Variants in ZBTB7C observed in about 807,000 individuals in gnomAD.
ZBTB7C encodes the protein zinc finger and BTB domain containing 7C.
ZBTB7C carries 8 observed loss-of-function variants against 25.7 expected under a neutral mutation model. That is an observed-to-expected ratio of 0.31 (90% CI 0.18 to 0.56). The LOEUF (loss-of-function observed/expected upper bound fraction) is 0.56, where lower values mean the gene tolerates loss of function less well. Among genes scored for constraint, ZBTB7C ranks in the 20% least tolerant of loss-of-function variants. ZBTB7C has a pLI of 0.91. For synonymous variants in ZBTB7C, 394 were observed against 369.0 expected, an observed-to-expected ratio of 1.07 and a Z score of -0.78; for missense variants, 824 against 855.2, an observed-to-expected ratio of 0.96 and a Z score of 0.46.
intron 1 of ZBTB7C, among the ~76,000 whole-genome samples, chr18:48,389,461 A>ATTTT (rs138527928): frequency 0.042 from 4,060 of 97,488 alleles, 208 homozygotes; most frequent in Non-Finnish European, 0.059. Context: ...TGACTCTTGG[A>ATTTT]TTTTTTTTTT....
chr18:48,192,862 C>T (rs898716967), intron 2 of ZBTB7C, among the ~76,000 whole-genome samples: 9 of 152,082 alleles, frequency 5.9e-5, no homozygotes, highest in East Asian at 1.9e-4. Flanking sequence ...AGAAACAAGG[C>T]GAGGGAGGGT....
chr18:48,055,536 G>C (rs1036794820), intron 3 of ZBTB7C, among the ~76,000 whole-genome samples: 2 of 151,986 alleles, frequency 1.3e-5, no homozygotes, highest in African/African-American at 4.8e-5. Flanking sequence ...GGGCATCGTG[G>C]AAAGCTGTGC....
At chr18:48,156,920 G>A (rs943707978) in intron 3 of ZBTB7C, among the ~76,000 whole-genome samples, 6 of 152,180 alleles carry the variant, frequency 3.9e-5, no homozygotes, top group Admixed American at 3.3e-4. Flanking sequence ...CTCTCTGGCT[G>A]CAGTTTGAAA....
At chr18:48,169,356 C>T (rs1447505414) in intron 3 of ZBTB7C, among the ~76,000 whole-genome samples, 1 of 152,146 alleles carries the variant, frequency 6.6e-6, no homozygotes, top group Non-Finnish European at 1.5e-5. Context: ...TTTCAGCTCC[C>T]CAAACTAGAT....
chr18:48,288,881 C>A (rs1182603831), intron 2 of ZBTB7C, among the ~76,000 whole-genome samples: 1 of 152,124 alleles, frequency 6.6e-6, no homozygotes. Context: ...TTTGTTACAG[C>A]AGCCTGAATA....
At chr18:48,127,640 G>A (rs566222264) in intron 3 of ZBTB7C, among the ~76,000 whole-genome samples, 8 of 152,192 alleles carry the variant, frequency 5.3e-5, no homozygotes, top group East Asian at 3.9e-4. Context: ...TTCTCCCCTC[G>A]GTTCTCCCCA....
chr18:48,280,851 T>C (rs1022309883), intron 2 of ZBTB7C, among the ~76,000 whole-genome samples: 73 of 126,108 alleles, frequency 5.8e-4, no homozygotes, highest in South Asian at 1.3e-3. Context: ...TCTCTCTCTT[T>C]TTTTTTTTTT....
chr18:48,404,565 G>A (rs1313139397), intron 1 of ZBTB7C, among the ~76,000 whole-genome samples: 3 of 152,234 alleles, frequency 2.0e-5, no homozygotes, highest in South Asian at 4.2e-4. Flanking sequence ...TATAGAGGAC[G>A]ACTTCATCAT....
chr18:48,281,078 C>A (rs1216253813), intron 2 of ZBTB7C, among the ~76,000 whole-genome samples: 3 of 151,886 alleles, frequency 2.0e-5, no homozygotes, highest in Non-Finnish European at 4.4e-5. Flanking sequence ...GGTCTCGAAC[C>A]CCTGACCTCG....
chr18:48,160,989 T>C (rs977834352), intron 3 of ZBTB7C, among the ~76,000 whole-genome samples: 3 of 151,018 alleles, frequency 2.0e-5, no homozygotes, highest in African/African-American at 7.3e-5. Context: ...TCGTCTTTGA[T>C]TGCAGACACC....
At chr18:48,139,770 A>C (rs992804940) in intron 3 of ZBTB7C, among the ~76,000 whole-genome samples, 1 of 152,020 alleles carries the variant, frequency 6.6e-6, no homozygotes, top group Non-Finnish European at 1.5e-5. Flanking sequence ...GTCTTAGTGA[A>C]GTGGGTGGGG....
intron 2 of ZBTB7C, among the ~76,000 whole-genome samples, chr18:48,250,524 T>C (rs1297228252): frequency 6.6e-6 from 1 of 152,146 alleles, no homozygotes; most frequent in Non-Finnish European, 1.5e-5. Flanking sequence ...TGTGGTGGAA[T>C]TGACCTGATC....
In ZBTB7C at chr18:48,409,209, C is replaced by A. The variant is rs1489409286; in HGVS notation, c.-304+17G>T. On this transcript the variant is annotated intron_variant, in intron 1 of 4. Transcript: ENST00000590800. ...CCCGGCAGCCGGCGCCCGAGCCCGG[C>A]GCGCGAAGCCGCTCACCTCCGCGCG... 6.7e-6 allele frequency: 1 copy of A among 149,888 alleles called. No individual in the cohort carries two copies. Among genetic ancestry groups the A allele is most frequent in the Non-Finnish European group, 1.5e-5 (1 of 67,230 alleles). 9.3% of individuals were successfully genotyped at this position (149,888 alleles called of 1,614,324 possible).
intron 3 of ZBTB7C, among the ~76,000 whole-genome samples, chr18:48,155,317 T>TC (rs1255029440): frequency 1.2e-4 from 16 of 135,744 alleles, no homozygotes; most frequent in Non-Finnish European, 1.9e-4. Flanking sequence ...ACTGTAATAT[T>TC]CTTTTTTTTT....
intron 1 of ZBTB7C, among the ~76,000 whole-genome samples, chr18:48,373,121 T>G (rs2047426662): frequency 6.6e-6 from 1 of 152,224 alleles, no homozygotes; most frequent in Non-Finnish European, 1.5e-5. Flanking sequence ...ATAGTTTGGA[T>G]ATTTGTCCCC....
chr18:48,266,003 T>C (rs1487650255), intron 2 of ZBTB7C, among the ~76,000 whole-genome samples: 3 of 152,292 alleles, frequency 2.0e-5, no homozygotes, highest in Non-Finnish European at 4.4e-5. Flanking sequence ...TTCTCGTTTA[T>C]AGGAAATGCA....
chr18:48,116,633 C>T (rs930657870), intron 3 of ZBTB7C, among the ~76,000 whole-genome samples: 2 of 152,110 alleles, frequency 1.3e-5, no homozygotes, highest in African/African-American at 4.8e-5. Flanking sequence ...CCACGGCTCT[C>T]TTATATTCCT....
chr18:48,180,614 C>T (rs1224340698), intron 3 of ZBTB7C: 1 of 306,770 alleles, frequency 3.3e-6, no homozygotes, highest in Non-Finnish European at 6.4e-6. Context: ...GTGGGCCAGA[C>T]AAGGGCAAGT....
chr18:48,358,004 T>G lies in ZBTB7C; in HGVS notation c.-303-19606A>C, dbSNP rs929549770. ...CATGAATGGCTTAGTGCCATCCCCT[T>G]GGTGATAAGTGAGTTATTGCTCTGA... On this transcript the variant is annotated intron_variant, in intron 1 of 4. Coordinates refer to ENST00000590800, the MANE Select transcript of ZBTB7C (RefSeq NM_001318841.2). Among the ~76,000 whole-genome samples, 3 of 152,130 alleles carry G rather than the reference T, an allele frequency of 2.0e-5. No individual in the cohort carries two copies. The East Asian group carries it at 5.8e-4, about 29-fold the overall frequency.
Sources: allele counts gnomAD v4.1 joint callset (sites outside exome capture counted in the v4.1 genomes callset), GRCh38; gene constraint gnomAD v4.1.1; transcripts MANE v1.5; gene names NCBI Gene and HGNC (gene_info 2026-07-23, HGNC 2026-07-21).